B4GALT3: variants seen among roughly 807,000 people sequenced by gnomAD.
B4GALT3 encodes N-acetyllactosamine synthase.
In B4GALT3, 29 loss-of-function variants were observed where a neutral mutation model predicts 40.7. The observed-to-expected ratio is 0.71, with a 90% CI of 0.53 to 0.97. The LOEUF is 0.97. Among genes scored for constraint, B4GALT3 ranks in the 50% least tolerant of loss-of-function variants. The pLI, the probability that B4GALT3 is intolerant of heterozygous loss-of-function variation, is 0.00. For missense variants in B4GALT3, 390 were observed against 522.3 expected, an observed-to-expected ratio of 0.75 and a Z score of 2.47; for synonymous variants, 182 against 203.9, an observed-to-expected ratio of 0.89 and a Z score of 0.92.
intron 4 of B4GALT3, 151 bp from the exon 5 acceptor site, chr1:161,174,200 G>C: frequency 1.4e-6 from 1 of 740,414 alleles, no homozygotes; most frequent in Non-Finnish European, 2.2e-6. Context: ...AAGGTCAGGA[G>C]ATTGAGACCA....
chr1:161,176,285 C>A, intron 2 of B4GALT3, 149 bp downstream of exon 2: 1 of 615,192 alleles, frequency 1.6e-6, no homozygotes, highest in Non-Finnish European at 2.8e-6. Context: ...CCAAGTTTCG[C>A]TCTCCTCTAC....
intron 4 of B4GALT3, 60 bp downstream of exon 4, chr1:161,174,933 C>A: frequency 2.6e-6 from 4 of 1,532,770 alleles, no homozygotes; most frequent in Admixed American, 1.7e-5. Flanking sequence ...AGTGAAGTGG[C>A]ATGTGCTTGA....
Position 161,175,843 on chromosome 1 carries a change from C to T in B4GALT3, c.218G>A (p.Gly73Asp), listed in dbSNP as rs550664682. The T allele has an allele frequency of 1.2e-6, 2 of 1,614,016 alleles. No individual in the cohort carries two copies. Among genetic ancestry groups the T allele is most frequent in the African/African-American group, 2.7e-5 (2 of 74,898 alleles). ...GAPGGPPAPQ[G>D]LPYCPERSPL... is the part of the protein sequence containing the mutation. ...AGATCGTTCTGGACAGTAGGGCAGA[C>T]CTTGAGGAGCTGGAGGACCCCCTGG... Residue 73 changes from glycine to aspartate, a missense_variant, in exon 3 of 8, where the codon GGT (glycine) becomes GAT (aspartate). Physicochemically the swap from Gly to Asp is moderately conservative, Grantham distance 94. This residue lies in a region of B4GALT3 where 183 missense variants were observed against 223.2 expected (regional missense o/e 0.82). Transcript: ENST00000319769.
Position 161,171,546 on chromosome 1 carries a change from T to C in B4GALT3, c.*270A>G, listed in dbSNP as rs1661434896. ...TTGGGGTCCAGCCCTGCTCCTACTCTAGGGGCAGGGACTCCTAGGAATCGT... is the reference window on the plus strand; with the variant it reads ...TTGGGGTCCAGCCCTGCTCCTACTCCAGGGGCAGGGACTCCTAGGAATCGT... On this transcript the variant is annotated 3_prime_UTR_variant, in exon 8 of 8. Transcript: ENST00000319769. 1 of 588,174 alleles carries C rather than the reference T, an allele frequency of 1.7e-6. No homozygotes were observed. Among genetic ancestry groups the C allele is most frequent in the African/African-American group, 1.9e-5 (1 of 53,602 alleles). The allele number at this position is 588,174 out of a possible 1,614,324, so 36.4% of individuals were successfully genotyped here.
rs1272625343 is a variant in B4GALT3, at chr1:161,173,709, G to T, written c.699C>A (p.Tyr233Ter). 1 of 1,614,186 alleles carries T rather than the reference G, an allele frequency of 6.2e-7. No homozygotes were observed. Among genetic ancestry groups the T allele is most frequent in the Non-Finnish European group, 8.5e-7 (1 of 1,180,038 alleles). ...GAGTAAGTGCTGAGACTCCTCCGAAGTACTGGGGGTACGGGAGGCTAGGGA... is the reference window on the plus strand; with the variant it reads ...GAGTAAGTGCTGAGACTCCTCCGAATTACTGGGGGTACGGGAGGCTAGGGA... ...KFGYSLPYPQ[Y>*]FGGVSALTPD... The change falls in exon 6 of 8, where the codon TAC (tyrosine) becomes TAA (stop). Residue 233 changes from tyrosine (Y) to a stop codon, truncating the protein, a stop_gained. Coordinates refer to ENST00000319769, the MANE Select transcript of B4GALT3 (RefSeq NM_003779.4). LOFTEE classifies it high-confidence loss of function.
At chr1:161,172,383 G>A (rs1408241285) in intron 6 of B4GALT3, 52 bp from the exon 7 acceptor site, 3 of 1,509,322 alleles carry the variant, frequency 2.0e-6, no homozygotes, top group East Asian at 4.5e-5. Flanking sequence ...GAAAAGCAAG[G>A]AAGGGATTAA....
At position 161,171,495 on chromosome 1, in the gene B4GALT3, C is replaced by G; in HGVS notation, c.*321G>C. The G allele has an allele frequency of 1.7e-6, 1 of 581,146 alleles. No homozygotes were observed. The highest frequency in any genetic ancestry group is 3.0e-5 in the East Asian group (1 of 33,092). The allele number at this position is 581,146 out of a possible 1,614,324, so 36.0% of individuals were successfully genotyped here. A position where few individuals can be genotyped will look rare whatever the true frequency, so the allele number is the denominator to read the frequency against. On this transcript the variant is annotated 3_prime_UTR_variant, in exon 8 of 8. Coordinates refer to ENST00000319769, the MANE Select transcript of B4GALT3 (RefSeq NM_003779.4). ...AGGTCCGAGGAGAAGCCAGATCACT[C>G]TTCTCTCCATGGAAGAGGGAGGGGC...
At position 161,171,575 on chromosome 1, in the gene B4GALT3, AT is replaced by A; in HGVS notation, c.*240del. 1.6e-6 allele frequency: 1 copy of A among 618,048 alleles called. No individual in the cohort carries two copies. Among genetic ancestry groups the A allele is most frequent in the Non-Finnish European group, 2.8e-6 (1 of 358,540 alleles). 38.3% of individuals were successfully genotyped at this position (618,048 alleles called of 1,614,324 possible). ...GGCAGGGACTCCTAGGAATCGTCAC[AT>A]AAAATCATGACATCAAGGATTCACA... On this transcript the variant is annotated 3_prime_UTR_variant, in exon 8 of 8. Coordinates refer to ENST00000319769, the MANE Select transcript of B4GALT3 (RefSeq NM_003779.4).
intron 2 of B4GALT3, 93 bp downstream of exon 2, chr1:161,176,341 A>C (rs965254869): frequency 5.6e-6 from 3 of 537,846 alleles, no homozygotes; most frequent in Non-Finnish European, 1.0e-5. Context: ...CCTCACCCCC[A>C]AAAATGTTTA....
intron 2 of B4GALT3, 34 bp downstream of exon 2, chr1:161,176,400 T>C (rs1184480412): frequency 2.4e-6 from 1 of 415,004 alleles, no homozygotes; most frequent in East Asian, 4.5e-5. Flanking sequence ...GAGAACCCCC[T>C]CTTCCAATTT....
chr1:161,172,933 A>G (rs1461429762), intron 6 of B4GALT3, among the ~76,000 whole-genome samples: 4 of 152,134 alleles, frequency 2.6e-5, no homozygotes, highest in Non-Finnish European at 5.9e-5. Context: ...AGGACCTTAA[A>G]AGAAACAAAC....
At position 161,175,969 on chromosome 1, in the gene B4GALT3, AAGCCCCCC is replaced by A; in HGVS notation, c.84_91del (p.Gly29ProfsTer16). 1 of 1,614,106 alleles carries A rather than the reference AAGCCCCCC, an allele frequency of 6.2e-7. No individual in the cohort carries two copies. Among genetic ancestry groups the A allele is most frequent in the African/African-American group, 1.3e-5 (1 of 75,018 alleles). ...GCCAAATAGGGCACTGAGACTTCGG[AAGCCCCCC>A]AGTGACAGGTACATCATGACAGCCA... On this transcript the variant is annotated frameshift_variant, in exon 3 of 8. Coordinates refer to ENST00000319769, the MANE Select transcript of B4GALT3 (RefSeq NM_003779.4). LOFTEE classifies it high-confidence loss of function.
chr1:161,174,146 G>C (rs562984900), intron 4 of B4GALT3, 97 bp from the exon 5 acceptor site: 19 of 1,316,620 alleles, frequency 1.4e-5, no homozygotes, highest in Admixed American at 4.4e-5. Context: ...GGTGGCTTAC[G>C]CCTGTAATCC....
Position 161,171,782 on chromosome 1 carries a change from C to T in B4GALT3, c.*34G>A, listed in dbSNP as rs145419100. ...TGGGGAGAATACAACCCCATGAATT[C>T]GGTTTCATGATTAAGGTAGACAGGA... On this transcript the variant is annotated 3_prime_UTR_variant, in exon 8 of 8. Coordinates refer to ENST00000319769, the MANE Select transcript of B4GALT3 (RefSeq NM_003779.4). 5.6e-6 allele frequency: 9 copies of T among 1,609,520 alleles called. No homozygotes were observed. The African/African-American group carries it at 8.0e-5, about 14-fold the overall frequency.
Position 161,173,858 on chromosome 1 carries a change from C to A in B4GALT3, c.680+1G>T. 4 of 1,613,526 alleles carry A rather than the reference C, an allele frequency of 2.5e-6. No individual in the cohort carries two copies. The highest frequency in any genetic ancestry group is 2.5e-6 in the Non-Finnish European group (3 of 1,179,606). ...TCCCAGTACCCTTCCATGCCCTCTA[C>A]CTGTATCCAAACTTGTTCATAGCAA... On this transcript the variant is annotated splice_donor_variant, in intron 5 of 7. Transcript: ENST00000319769. LOFTEE classifies it high-confidence loss of function.
At chr1:161,172,185 G>A in intron 7 of B4GALT3, 42 bp downstream of exon 7, 13 of 1,612,746 alleles carry the variant, frequency 8.1e-6, no homozygotes, top group Non-Finnish European at 1.0e-5. Context: ...AGAACCCTGA[G>A]GATCCAGTAA....
At position 161,171,699 on chromosome 1, in the gene B4GALT3, G is replaced by C; in HGVS notation, c.*117C>G. ...GTGAGGGAGAGGCCCCTACCCCCTA[G>C]CACGGCACCAGAGTTCAGTTCCCTC... On this transcript the variant is annotated 3_prime_UTR_variant, in exon 8 of 8. Transcript: ENST00000319769. 7.0e-7 allele frequency: 1 copy of C among 1,424,384 alleles called. No homozygotes were observed. Among genetic ancestry groups the C allele is most frequent in the Non-Finnish European group, 9.5e-7 (1 of 1,047,652 alleles). 88.2% of individuals were successfully genotyped at this position (1,424,384 alleles called of 1,614,324 possible).
chr1:161,172,396 G>T, intron 6 of B4GALT3, 65 bp from the exon 7 acceptor site: 1 of 1,402,930 alleles, frequency 7.1e-7, no homozygotes, highest in Non-Finnish European at 9.8e-7. Context: ...GGGATTAAAT[G>T]TTTCTGTACA....
At chr1:161,174,830 G>A (rs2101959905) in intron 4 of B4GALT3, 163 bp downstream of exon 4, 3 of 695,268 alleles carry the variant, frequency 4.3e-6, no homozygotes, top group East Asian at 2.7e-5. Flanking sequence ...AAAAGTATGG[G>A]ACTAACAAAG....
Sources: allele counts gnomAD v4.1 joint callset (sites outside exome capture counted in the v4.1 genomes callset), GRCh38; gene constraint gnomAD v4.1.1; regional missense constraint gnomAD v4.1.1; transcripts MANE v1.5; gene names NCBI Gene and HGNC (gene_info 2026-07-23, HGNC 2026-07-21).